The following ZNF217 variants were observed in gnomAD, a reference collection of about 807,000 sequenced individuals.
The protein encoded by ZNF217 is zinc finger protein 217.
In ZNF217, 12 loss-of-function variants were observed where a neutral mutation model predicts 73.3. The observed-to-expected ratio is 0.16, with a 90% CI of 0.10 to 0.27. The LOEUF is 0.27. ZNF217 is among the 10% of genes least tolerant of loss of function. The pLI, the probability that ZNF217 is intolerant of heterozygous loss-of-function variation, is 1.00. For missense variants in ZNF217, 1,195 were observed against 1,327.8 expected (o/e 0.90, Z 1.55); for synonymous variants, 588 against 516.4 (o/e 1.14, Z -1.88).
Position 53,576,669 on chromosome 20 carries a change from C to G in ZNF217, c.2095G>C (p.Ala699Pro). Residue 699 changes from alanine (A) to proline (P), a missense_variant, in exon 4 of 6, where the codon GCA becomes CCA. Physicochemically the swap from Ala to Pro is conservative, Grantham distance 27. Around this residue, in one of 9 missense-constraint regions of ZNF217, gnomAD observed 649 missense variants for 642.8 expected, o/e 1.01. Coordinates refer to ENST00000371471, the MANE Select transcript of ZNF217 (RefSeq NM_006526.3). ...ATCAAACTTTTACTCAAAGAAATTG[C>G]CGGGCAATTGTGAAGAGCCCCCACG... Reference protein sequence around the residue: ...LSVGALHNCPAISLSKSLIPS... With the variant: ...LSVGALHNCPPISLSKSLIPS... 1 of 1,614,204 alleles carries G rather than the reference C, an allele frequency of 6.2e-7. No individual in the cohort carries two copies.
At chr20:53,571,556 C>T (rs1194878722) in intron 5 of ZNF217, among the ~76,000 whole-genome samples, 165 bp downstream of exon 5, 1 of 151,936 alleles carries the variant, frequency 6.6e-6, no homozygotes, top group Non-Finnish European at 1.5e-5. Context: ...AGGCACCCGC[C>T]ACCACGCCCA....
chr20:53,577,304 TTA>T, intron 3 of ZNF217, 24 bp from the exon 4 acceptor site: 17 of 1,574,854 alleles, frequency 1.1e-5, no homozygotes, highest in Non-Finnish European at 1.5e-5. Flanking sequence ...TGGCACTTTA[TTA>T]TAGAAGTGTA....
Position 53,575,949 on chromosome 20 carries a change from C to T in ZNF217, c.2815G>A (p.Gly939Ser). 1 of 1,614,196 alleles carries T rather than the reference C, an allele frequency of 6.2e-7. No homozygotes were observed. Among genetic ancestry groups the T allele is most frequent in the South Asian group, 1.1e-5 (1 of 91,084 alleles). Residue 939 changes from glycine to serine, a missense_variant, in exon 4 of 6, where the codon GGC becomes AGC. Physicochemically the swap from Gly to Ser is moderately conservative, Grantham distance 56. This residue lies in a region of ZNF217 where 649 missense variants were observed against 642.8 expected (regional missense o/e 1.01). Coordinates refer to ENST00000371471, the MANE Select transcript of ZNF217 (RefSeq NM_006526.3). ...ATATGGTACTTGGGAAGGTCATAGC[C>T]TCTTCTGTAATTGGCCCCGGGCTGG... ...VDQPGANYRR[G>S]YDLPKYHMVR...
intron 1 of ZNF217, among the ~76,000 whole-genome samples, chr20:53,588,590 CTATCTATATATATATATATA>C (rs1243426922): frequency 3.5e-3 from 93 of 26,734 alleles, no homozygotes; most frequent in African/African-American, 0.011. Context: ...ATACACACAT[CTATCTATATATATATATATA>C]TATATATATA....
At chr20:53,588,353 AAT>A (rs1988767419) in intron 1 of ZNF217, among the ~76,000 whole-genome samples, 1 of 151,754 alleles carries the variant, frequency 6.6e-6, no homozygotes, top group Non-Finnish European at 1.5e-5. Flanking sequence ...AAAAAGTTAT[AAT>A]ATAAGGAAAG....
rs1342276766 is a variant in ZNF217, at chr20:53,568,123, A to G, written c.*1165T>C. 1.3e-5 allele frequency: 2 copies of G among 152,240 alleles called. No individual in the cohort carries two copies. Among genetic ancestry groups the G allele is most frequent in the Admixed American group, 6.5e-5 (1 of 15,278 alleles). 9.4% of individuals were successfully genotyped at this position (152,240 alleles called of 1,614,324 possible). On this transcript the variant is annotated 3_prime_UTR_variant, in exon 6 of 6. Coordinates refer to ENST00000371471, the MANE Select transcript of ZNF217 (RefSeq NM_006526.3). ...AAATGGGAAAATAACTGAGGTCTAG[A>G]AACAGATTTTCTCTTTCTAGACTCC...
rs752605894 is a variant in ZNF217, at chr20:53,581,861, G to C, written c.966C>G (p.Thr322=). 3.1e-6 allele frequency: 5 copies of C among 1,614,178 alleles called. No individual in the cohort carries two copies. In the South Asian group the frequency reaches 3.3e-5, roughly 11 times the overall value. The change falls in exon 2 of 6, where the codon ACC becomes ACG. Residue 322 remains threonine, a synonymous_variant. Transcript: ENST00000371471. The surrounding 1 kb of genome is among the most constrained non-coding windows in gnomAD (Gnocchi z 4.9). Reference sequence around the variant, plus strand: ...TCTCGGAACTCGAATCGTCGTTGTCGGTGCTCCCTTCTTGCCCCGATTCCT... The same window carrying C: ...TCTCGGAACTCGAATCGTCGTTGTCCGTGCTCCCTTCTTGCCCCGATTCCT... ...EVKESGQEGS[T]DNDDSSSEKE... is the part of the protein sequence containing the mutation.
intron 2 of ZNF217, among the ~76,000 whole-genome samples, chr20:53,579,815 ATAG>A (rs1272677589): frequency 6.6e-6 from 1 of 152,232 alleles, no homozygotes; most frequent in African/African-American, 2.4e-5. Flanking sequence ...AAACAGGGAA[ATAG>A]TAGCAAAGAA....
Position 53,569,262 on chromosome 20 carries a change from G to T in ZNF217, c.*26C>A. ...GGGAGTAAGCACTGACATCCACCAA[G>T]ACCTAAGGAAAACAACATTTTTTAA... On this transcript the variant is annotated splice_region_variant and 3_prime_UTR_variant, in exon 6 of 6. Transcript: ENST00000371471. The T allele has an allele frequency of 7.6e-7, 1 of 1,321,952 alleles. No individual in the cohort carries two copies. The allele number at this position is 1,321,952 out of a possible 1,614,324, so 81.9% of individuals were successfully genotyped here. A position where few individuals can be genotyped will look rare whatever the true frequency, so the allele number is the denominator to read the frequency against.
At chr20:53,592,403 GAAA>G (rs886978817) in intron 1 of ZNF217, among the ~76,000 whole-genome samples, 69 of 151,726 alleles carry the variant, frequency 4.5e-4, no homozygotes, top group African/African-American at 1.6e-3. Context: ...GAAAGAAAAA[GAAA>G]AAAAAGTTTC....
In ZNF217 at chr20:53,576,924, C is replaced by T. The variant is rs746310607; in HGVS notation, c.1840G>A (p.Val614Met). Reference sequence around the variant, plus strand: ...TAAGCAGGGGTAGGGTTTTTATTCACTTTATCAGCACTGTCATCAGCTGCA... The same window carrying T: ...TAAGCAGGGGTAGGGTTTTTATTCATTTTATCAGCACTGTCATCAGCTGCA... ...KNAADDSADK[V>M]NKNPTPAYLD... is the part of the protein sequence containing the mutation. Residue 614 changes from valine (V) to methionine (M), a missense_variant, in exon 4 of 6, where the codon GTG becomes ATG. This residue lies in a region of ZNF217 where 649 missense variants were observed against 642.8 expected (regional missense o/e 1.01). Transcript: ENST00000371471. The T allele has an allele frequency of 1.2e-6, 2 of 1,614,132 alleles. No individual in the cohort carries two copies. The highest frequency in any genetic ancestry group is 1.6e-4 in the Middle Eastern group (1 of 6,062).
rs1412644325 is a variant in ZNF217 at position 53,587,447 on chromosome 20, C to T, written c.-342-4279G>A. 2.0e-5 allele frequency among the ~76,000 whole-genome samples: 3 copies of T among 152,272 alleles called. No individual in the cohort carries two copies. In the East Asian group the frequency reaches 5.8e-4, roughly 29 times the overall value. Reference sequence around the variant, plus strand: ...AACTTGGGAATATTTTTCTTTACATCCTGATGTACTCAAACTGTTAACTTT... The same window carrying T: ...AACTTGGGAATATTTTTCTTTACATTCTGATGTACTCAAACTGTTAACTTT... On this transcript the variant is annotated intron_variant, in intron 1 of 5. Coordinates refer to ENST00000371471, the MANE Select transcript of ZNF217 (RefSeq NM_006526.3).
upstream of ZNF217, among the ~76,000 whole-genome samples, chr20:53,596,565 A>G (rs1353140163): frequency 2.0e-5 from 3 of 152,346 alleles, no homozygotes; most frequent in South Asian, 4.1e-4. Flanking sequence ...ATTTATTTGG[A>G]AAGCATGTAT....
At chr20:53,594,420 A>T (rs1989001310), upstream of ZNF217, among the ~76,000 whole-genome samples, 1 of 144,214 alleles carries the variant, frequency 6.9e-6, no homozygotes, top group Admixed American at 6.8e-5. Context: ...CGTGACTAGC[A>T]TAGGCGCGCC....
At chr20:53,577,730 T>C (rs754044845) in intron 3 of ZNF217, among the ~76,000 whole-genome samples, 13 of 152,310 alleles carry the variant, frequency 8.5e-5, no homozygotes, top group Non-Finnish European at 1.3e-4. Context: ...CATAAAGACA[T>C]AAGATGCAGC....
intron 4 of ZNF217, chr20:53,572,574 C>T (rs1254275401): frequency 6.6e-6 from 1 of 152,120 alleles, no homozygotes; most frequent in Admixed American, 6.5e-5. Flanking sequence ...TATTTCATCA[C>T]AATTTTTATA....
Position 53,571,774 on chromosome 20 carries a change from T to C in ZNF217, c.3117A>G (p.Ala1039=), listed in dbSNP as rs1351714343. ...TTTTTTTGTCATTTGGTCGATAATGTGCATTCCCAATAAAATTCTCATAGT... is the reference window on the plus strand; with the variant it reads ...TTTTTTTGTCATTTGGTCGATAATGCGCATTCCCAATAAAATTCTCATAGT... The part of the protein sequence containing the change: ...KRNYENFIGN[A]HYRPNDKKT The change falls in exon 5 of 6, where the codon GCA becomes GCG. Residue 1039 remains alanine, a synonymous_variant. Coordinates refer to ENST00000371471, the MANE Select transcript of ZNF217 (RefSeq NM_006526.3). 6 of 1,613,574 alleles carry C rather than the reference T, an allele frequency of 3.7e-6. No individual in the cohort carries two copies. The Admixed American group carries it at 1.0e-4, about 27-fold the overall frequency.
At chr20:53,578,048 G>A (rs769427490) in intron 3 of ZNF217, among the ~76,000 whole-genome samples, 4 of 152,146 alleles carry the variant, frequency 2.6e-5, no homozygotes, top group South Asian at 2.1e-4. Flanking sequence ...GGAGGTGGAG[G>A]CTGCAGTGAG....
upstream of ZNF217, among the ~76,000 whole-genome samples, chr20:53,594,422 AG>A (rs1989001457): frequency 6.7e-6 from 1 of 148,814 alleles, no homozygotes; most frequent in African/African-American, 2.5e-5. Flanking sequence ...TGACTAGCAT[AG>A]GCGCGCCCCT....
Sources: gnomAD v4.1 joint callset for allele counts (sites outside exome capture counted in the v4.1 genomes callset) on GRCh38, gnomAD v4.1.1 for gene constraint, gnomAD v4.1.1 regional missense constraint, Gnocchi (gnomAD v3.1) non-coding constraint, MANE v1.5 for transcripts, NCBI Gene and HGNC (gene_info 2026-07-23, HGNC 2026-07-21) for gene names.